The following CFAP54 variants were observed in gnomAD, a reference collection of about 807,000 sequenced individuals.
CFAP54 encodes cilia and flagella associated protein 54.
A neutral mutation model predicts 370.4 loss-of-function variants in CFAP54; 290 were observed. The observed-to-expected ratio is 0.78, with a 90% CI of 0.71 to 0.86. The LOEUF (loss-of-function observed/expected upper bound fraction) is 0.86. Ranked by LOEUF, CFAP54 falls within the 40% of genes least tolerant of loss-of-function variation. CFAP54 has a pLI of 0.00. For missense variants in CFAP54, 3,399 were observed against 3,528.7 expected (o/e 0.96, Z 0.93); for synonymous variants, 1,206 against 1,236.5 (o/e 0.98, Z 0.52).
intron 22 of CFAP54, among the ~76,000 whole-genome samples, chr12:96,587,670 T>G (rs1206697886): frequency 1.3e-5 from 2 of 152,226 alleles, no homozygotes; most frequent in African/African-American, 4.8e-5. Flanking sequence ...AAGAACATTA[T>G]TTTAAAAGGG....
intron 28 of CFAP54, among the ~76,000 whole-genome samples, chr12:96,624,171 C>A (rs1371472715): frequency 6.6e-6 from 1 of 152,158 alleles, no homozygotes; most frequent in Non-Finnish European, 1.5e-5. Flanking sequence ...TCGACACTAT[C>A]AGCATTTTGG....
intron 40 of CFAP54, among the ~76,000 whole-genome samples, chr12:96,680,465 G>A (rs1957257145): frequency 6.6e-6 from 1 of 151,532 alleles, no homozygotes; most frequent in African/African-American, 2.4e-5. Flanking sequence ...TATTCAAATT[G>A]GTCAGAATAA....
intron 22 of CFAP54, among the ~76,000 whole-genome samples, chr12:96,585,418 C>G (rs77311501): frequency 6.6e-6 from 1 of 152,172 alleles, no homozygotes. Flanking sequence ...AAATGCTCTT[C>G]CCCCAGAGAG....
chr12:96,535,925 T>C (rs141201230), intron 12 of CFAP54, among the ~76,000 whole-genome samples: 214 of 152,312 alleles, frequency 1.4e-3, no homozygotes, highest in African/African-American at 5.1e-3. Context: ...CTTGTTATTA[T>C]TGGAAGTCAC....
At chr12:96,720,596 C>T in intron 50 of CFAP54, 31 bp downstream of exon 50, 1 of 1,373,686 alleles carries the variant, frequency 7.3e-7, no homozygotes, top group South Asian at 1.8e-5. Flanking sequence ...GGGAGGGATA[C>T]CTTTGAAGAG....
chr12:96,716,603 A>C (rs1316373856), intron 48 of CFAP54, among the ~76,000 whole-genome samples: 1 of 152,158 alleles, frequency 6.6e-6, no homozygotes, highest in African/African-American at 2.4e-5. Context: ...TAACACAGCA[A>C]GGGTTTAGTT....
chr12:96,755,467 C>T (rs1288471011), intron 56 of CFAP54, among the ~76,000 whole-genome samples: 2 of 152,016 alleles, frequency 1.3e-5, no homozygotes, highest in African/African-American at 4.8e-5. Context: ...CAATATCTCC[C>T]TATTCCCCCA....
Position 96,589,458 on chromosome 12 carries a change from C to G in CFAP54, c.3107C>G (p.Ala1036Gly). 1 of 1,532,724 alleles carries G rather than the reference C, an allele frequency of 6.5e-7. No homozygotes were observed. The highest frequency in any genetic ancestry group is 1.2e-5 in the South Asian group (1 of 83,910). The allele number at this position is 1,532,724 out of a possible 1,614,324, so 94.9% of individuals were successfully genotyped here. The change falls in exon 23 of 68, where the codon GCT becomes GGT. Residue 1036 changes from alanine to glycine, a missense_variant. Physicochemically the swap from Ala to Gly is moderately conservative, Grantham distance 60. Coordinates refer to ENST00000524981, the MANE Select transcript of CFAP54 (RefSeq NM_001306084.2). ...VAYQVGNYEL[A>G]KKVFSPVWDY... is the part of the protein sequence containing the mutation. ...TATCAAGTTGGTAACTATGAATTGG[C>G]TAAGAAAGTTTTCTCACCAGTTTGG...
intron 35 of CFAP54, among the ~76,000 whole-genome samples, chr12:96,651,217 A>T (rs577816566): frequency 5.3e-5 from 8 of 152,062 alleles, no homozygotes; most frequent in Non-Finnish European, 1.0e-4. Context: ...ATGTTTTTAT[A>T]TGTCTACTTT....
intron 65 of CFAP54, 55 bp from the exon 66 acceptor site, chr12:96,828,959 T>C (rs1592792716): frequency 7.1e-6 from 6 of 847,570 alleles, no homozygotes; most frequent in Non-Finnish European, 1.1e-5. Flanking sequence ...AAATAGGTAA[T>C]ATTTAGGTTT....
At position 96,820,524 on chromosome 12, in the gene CFAP54, CT is replaced by C. The variant is rs150946260; in HGVS notation, c.9096+2615del. 5.5e-3 allele frequency among the ~76,000 whole-genome samples: 840 copies of C among 152,290 alleles called. 12 individuals are homozygous for C. The highest frequency in any genetic ancestry group is 0.019 in the African/African-American group (799 of 41,552). On this transcript the variant is annotated intron_variant, in intron 65 of 67. Coordinates refer to ENST00000524981, the MANE Select transcript of CFAP54 (RefSeq NM_001306084.2). ...TACAGTTAGCCTTTGCAAAATGCCA[CT>C]TTTCAGCATTTATGACTTCTGTGCT...
At chr12:96,707,033 GA>G (rs1957554558) in intron 47 of CFAP54, among the ~76,000 whole-genome samples, 1 of 152,028 alleles carries the variant, frequency 6.6e-6, no homozygotes, top group African/African-American at 2.4e-5. Flanking sequence ...AGGGAGTGAG[GA>G]GAAGGAAGAG....
At chr12:96,756,399 C>A in intron 56 of CFAP54, 59 bp from the exon 57 acceptor site, 1 of 913,948 alleles carries the variant, frequency 1.1e-6, no homozygotes, top group South Asian at 1.6e-5. Flanking sequence ...AATATTTGTT[C>A]TTAAGTTCTA....
chr12:96,540,583 G>A (rs946384739), intron 13 of CFAP54, among the ~76,000 whole-genome samples: 1 of 152,200 alleles, frequency 6.6e-6, no homozygotes, highest in Non-Finnish European at 1.5e-5. Flanking sequence ...GGCTATAGAT[G>A]TGCAGACTCT....
chr12:96,576,765 T>C lies in CFAP54; in HGVS notation c.2796+4T>C, dbSNP rs757876812. On this transcript the variant is annotated splice_donor_region_variant and intron_variant, in intron 20 of 67. Transcript: ENST00000524981. The stretch of plus-strand genomic sequence containing the variant: ...TCCATTTACTTCAGAGGTTAAGGTA[T>C]GGTGTCCAGTAAAATTTTTGCCTCA... 2.6e-6 allele frequency: 4 copies of C among 1,522,962 alleles called. No homozygotes were observed. Among genetic ancestry groups the C allele is most frequent in the East Asian group, 4.9e-5 (2 of 40,830 alleles). 94.3% of individuals were successfully genotyped at this position (1,522,962 alleles called of 1,614,324 possible).
At chr12:96,628,092 G>A (rs1956566056) in intron 30 of CFAP54, among the ~76,000 whole-genome samples, 1 of 152,168 alleles carries the variant, frequency 6.6e-6, no homozygotes, top group East Asian at 1.9e-4. Flanking sequence ...ATATCACGAA[G>A]ATGTGTAGCA....
intron 39 of CFAP54, among the ~76,000 whole-genome samples, chr12:96,666,722 A>C (rs1957085532): frequency 1.3e-5 from 2 of 152,202 alleles, no homozygotes; most frequent in Non-Finnish European, 2.9e-5. Flanking sequence ...ACAATTCAAG[A>C]TGAGATTTGG....
At chr12:96,509,748 G>A (rs751826809) in intron 4 of CFAP54, among the ~76,000 whole-genome samples, 17 of 151,194 alleles carry the variant, frequency 1.1e-4, no homozygotes, top group Non-Finnish European at 1.9e-4. Context: ...TCTGGGAGGC[G>A]GAGGTTGCAG....
Position 96,658,326 on chromosome 12 carries a change from G to T in CFAP54, c.5440G>T (p.Glu1814Ter), listed in dbSNP as rs866032108. 1 of 1,614,166 alleles carries T rather than the reference G, an allele frequency of 6.2e-7. No homozygotes were observed. Among genetic ancestry groups the T allele is most frequent in the South Asian group, 1.1e-5 (1 of 91,082 alleles). The change falls in exon 38 of 68, where the codon GAG (glutamate) becomes TAG (stop). Residue 1814 changes from glutamate to a stop codon, truncating the protein, a stop_gained. Transcript: ENST00000524981. LOFTEE classifies it high-confidence loss of function. ...DITQQPCARY[E>*]AEYGEKITCR... The stretch of plus-strand genomic sequence containing the variant: ...TACCCAACAACCTTGTGCAAGGTAT[G>T]AGGCTGAATATGGAGAGAAGGTAAG...
Sources: gnomAD v4.1 joint callset for allele counts (sites outside exome capture counted in the v4.1 genomes callset) on GRCh38, gnomAD v4.1.1 for gene constraint, MANE v1.5 for transcripts, NCBI Gene and HGNC (gene_info 2026-07-23, HGNC 2026-07-21) for gene names.